The following PTPRD variants were observed in gnomAD, a reference collection of about 807,000 sequenced individuals.
PTPRD encodes receptor-type tyrosine-protein phosphatase delta.
Under a neutral mutation model 214.5 loss-of-function variants are expected in PTPRD, and 34 were observed. That is an observed-to-expected ratio of 0.16 (90% CI 0.12 to 0.21). The LOEUF (loss-of-function observed/expected upper bound fraction) is 0.21. Ranked by LOEUF, PTPRD falls within the 10% of genes least tolerant of loss-of-function variation. PTPRD has a pLI of 1.00. For missense variants in PTPRD, 2,545 were observed against 2,398.7 expected (o/e 1.06, Z -1.27); for synonymous variants, 1,128 against 845.7 (o/e 1.33, Z -5.79).
At chr9:8,344,636 G>A (rs953906944) in intron 39 of PTPRD, among the ~76,000 whole-genome samples, 12 of 151,966 alleles carry the variant, frequency 7.9e-5, no homozygotes, top group Admixed American at 1.3e-4. Context: ...AGGAGCTGAC[G>A]TTTGGAACTT....
rs2050125054 is a variant in PTPRD, at chr9:9,819,905, C to G, written c.-367-53054G>C. 2.0e-5 allele frequency among the ~76,000 whole-genome samples: 3 copies of G among 152,024 alleles called. No individual in the cohort carries two copies. The South Asian group carries it at 6.2e-4, about 32-fold the overall frequency. On this transcript the variant is annotated intron_variant, in intron 5 of 45. Transcript: ENST00000381196. ...TTGTTCAGTCCATTGTTGATGGACACATAGATTGATTCCATATCTTTGCTA... is the reference window on the plus strand; with the variant it reads ...TTGTTCAGTCCATTGTTGATGGACAGATAGATTGATTCCATATCTTTGCTA...
chr9:9,942,785 G>T (rs771730344), intron 4 of PTPRD, among the ~76,000 whole-genome samples: 5 of 151,838 alleles, frequency 3.3e-5, no homozygotes, highest in Non-Finnish European at 5.9e-5. Flanking sequence ...TTTGTTAATA[G>T]CTTTGCCATT....
intron 12 of PTPRD, among the ~76,000 whole-genome samples, chr9:8,652,495 G>C (rs901229782): frequency 6.6e-6 from 1 of 152,170 alleles, no homozygotes; most frequent in Non-Finnish European, 1.5e-5. Flanking sequence ...CAAGCCTCTT[G>C]CCAGACTAAG....
intron 5 of PTPRD, among the ~76,000 whole-genome samples, chr9:9,879,287 A>G (rs2067874186): frequency 6.6e-6 from 1 of 152,140 alleles, no homozygotes; most frequent in South Asian, 2.1e-4. Context: ...TCTTGTGTGT[A>G]GGTTGTTTAG....
At chr9:9,099,823 C>CAA (rs1302481720) in intron 10 of PTPRD, among the ~76,000 whole-genome samples, 11 of 152,094 alleles carry the variant, frequency 7.2e-5, no homozygotes, top group Non-Finnish European at 1.2e-4. Flanking sequence ...ACATCTACAG[C>CAA]TGAGATCAAA....
intron 30 of PTPRD, among the ~76,000 whole-genome samples, chr9:8,475,097 C>T (rs1235019783): frequency 6.6e-6 from 1 of 152,138 alleles, no homozygotes; most frequent in Non-Finnish European, 1.5e-5. Context: ...CTGCAAATAG[C>T]TGTGTGTTCC....
intron 5 of PTPRD, among the ~76,000 whole-genome samples, chr9:9,881,863 A>C (rs10118660): frequency 0.041 from 6,217 of 152,144 alleles, 222 homozygotes; most frequent in African/African-American, 0.098. Flanking sequence ...TTATACCTCT[A>C]CATTTACCAC....
intron 14 of PTPRD, among the ~76,000 whole-genome samples, chr9:8,608,612 A>T (rs534654466): frequency 4.0e-4 from 61 of 151,232 alleles, no homozygotes; most frequent in Non-Finnish European, 7.1e-4. Context: ...CTGAATCTGA[A>T]TTAACTGTCC....
chr9:8,562,409 C>T (rs925366472), intron 14 of PTPRD, among the ~76,000 whole-genome samples: 1 of 151,612 alleles, frequency 6.6e-6, no homozygotes, highest in Non-Finnish European at 1.5e-5. Context: ...TTTTCCTTCT[C>T]ATAATAATTT....
At chr9:9,369,228 G>C (rs562878953) in intron 9 of PTPRD, among the ~76,000 whole-genome samples, 1 of 152,106 alleles carries the variant, frequency 6.6e-6, no homozygotes, top group Admixed American at 6.6e-5. Context: ...CCCACCAACA[G>C]TGTAAAAGTG....
At position 9,794,137 on chromosome 9, in the gene PTPRD, C is replaced by T. The variant is rs373038150; in HGVS notation, c.-367-27286G>A. ...CAGATAAACATCTATTAAAACAATA[C>T]AATGAATGTATATATGTACATGTAT... On this transcript the variant is annotated intron_variant, in intron 5 of 45. Transcript: ENST00000381196. 1.1e-4 allele frequency among the ~76,000 whole-genome samples: 17 copies of T among 148,834 alleles called. No individual in the cohort carries two copies. The East Asian group carries it at 3.0e-3, about 26-fold the overall frequency.
At chr9:10,382,354 T>C (rs182084553) in intron 2 of PTPRD, among the ~76,000 whole-genome samples, 2 of 152,078 alleles carry the variant, frequency 1.3e-5, no homozygotes, top group East Asian at 3.9e-4. Context: ...GTTATCTTTA[T>C]ATTGTATGCT....
chr9:8,972,513 G>A (rs1240705766), intron 11 of PTPRD, among the ~76,000 whole-genome samples: 2 of 151,630 alleles, frequency 1.3e-5, no homozygotes, highest in Non-Finnish European at 2.9e-5. Context: ...GGGAAGAGGA[G>A]AGGGAAGGAG....
At chr9:10,361,040 T>C (rs947910919) in intron 2 of PTPRD, among the ~76,000 whole-genome samples, 13 of 152,104 alleles carry the variant, frequency 8.5e-5, no homozygotes, top group African/African-American at 2.2e-4. Context: ...AGGCGGAGCT[T>C]GTAGTGAGCC....
chr9:9,977,820 G>C (rs1426146148), intron 4 of PTPRD, among the ~76,000 whole-genome samples: 1 of 151,964 alleles, frequency 6.6e-6, no homozygotes, highest in East Asian at 1.9e-4. Flanking sequence ...CCGGTTTGAA[G>C]AGGCAATGGA....
chr9:8,856,038 A>G (rs542530946), intron 11 of PTPRD, among the ~76,000 whole-genome samples: 1 of 152,262 alleles, frequency 6.6e-6, no homozygotes, highest in East Asian at 1.9e-4. Context: ...GGAAAATTTT[A>G]TTGTCCATTT....
In PTPRD at chr9:9,889,788, A is replaced by AGTGTGT. The variant is rs138586181; in HGVS notation, c.-368+48713_-368+48718dup. The stretch of plus-strand genomic sequence containing the variant: ...TGCTTGTCTCAGCAAGTTCCTGCTG[A>AGTGTGT]GTGTGTGTGTGTGTGTGTGTGTGTA... On this transcript the variant is annotated intron_variant, in intron 5 of 45. Coordinates refer to ENST00000381196, the MANE Select transcript of PTPRD (RefSeq NM_002839.4). Among the ~76,000 whole-genome samples the AGTGTGT allele has an allele frequency of 2.2e-3, 328 of 146,312 alleles. 2 individuals carry two copies. The highest frequency in any genetic ancestry group is 7.0e-3 in the African/African-American group (283 of 40,158).
intron 7 of PTPRD, among the ~76,000 whole-genome samples, chr9:9,643,924 C>A (rs1188701583): frequency 6.6e-6 from 1 of 152,162 alleles, no homozygotes; most frequent in Non-Finnish European, 1.5e-5. Flanking sequence ...CAGTTATACT[C>A]ATAGGCATTT....
At chr9:10,118,938 T>C (rs571517289) in intron 3 of PTPRD, among the ~76,000 whole-genome samples, 70 of 151,482 alleles carry the variant, frequency 4.6e-4, no homozygotes, top group African/African-American at 1.6e-3. Context: ...ATATTTAGCT[T>C]GAAAGAGATA....
Sources: gnomAD v4.1 joint callset for allele counts (sites outside exome capture counted in the v4.1 genomes callset) on GRCh38, gnomAD v4.1.1 for gene constraint, MANE v1.5 for transcripts, NCBI Gene and HGNC (gene_info 2026-07-23, HGNC 2026-07-21) for gene names.